The following C13orf42 variants were observed in gnomAD, a reference collection of about 807,000 sequenced individuals.
C13orf42 encodes uncharacterized protein C13orf42.
intron 1 of C13orf42, among the ~76,000 whole-genome samples, chr13:51,171,166 G>A (rs1017230466): frequency 6.6e-6 from 1 of 151,892 alleles, no homozygotes; most frequent in African/African-American, 2.4e-5. Flanking sequence ...CCCTTAGCCT[G>A]TGTTCTCAAA....
intron 1 of C13orf42, among the ~76,000 whole-genome samples, chr13:51,139,313 C>CA (rs112925981): frequency 1.1e-4 from 17 of 151,434 alleles, no homozygotes; most frequent in African/African-American, 2.9e-4. Flanking sequence ...GATTCTGTCT[C>CA]AAAAAAAATA....
chr13:51,143,410 G>GT (rs1953711359), intron 1 of C13orf42, among the ~76,000 whole-genome samples: 1 of 152,082 alleles, frequency 6.6e-6, no homozygotes, highest in Admixed American at 6.5e-5. Flanking sequence ...ATGGAGCCCT[G>GT]TGTCAGATTA....
At chr13:51,085,915 G>T (rs1953119497) in intron 2 of C13orf42, among the ~76,000 whole-genome samples, 1 of 152,132 alleles carries the variant, frequency 6.6e-6, no homozygotes, top group Admixed American at 6.5e-5. Context: ...CGGGCGTAGT[G>T]GCAGGTGCCT....
At chr13:51,133,165 T>C (rs188226298) in intron 1 of C13orf42, among the ~76,000 whole-genome samples, 49 of 152,352 alleles carry the variant, frequency 3.2e-4, no homozygotes, top group African/African-American at 1.1e-3. Flanking sequence ...AAACTTACTT[T>C]CACTTTACTA....
chr13:51,126,526 C>T (rs1953578650), intron 1 of C13orf42, among the ~76,000 whole-genome samples: 1 of 152,208 alleles, frequency 6.6e-6, no homozygotes, highest in South Asian at 2.1e-4. Context: ...TTACCTTCAG[C>T]TCCATTTGTT....
chr13:51,118,797 C>T (rs74085539), intron 1 of C13orf42, among the ~76,000 whole-genome samples: 13,486 of 152,186 alleles, frequency 0.089, 879 homozygotes, highest in South Asian at 0.26. Flanking sequence ...GTGCTAGTGA[C>T]ACAGCCAACC....
chr13:51,119,653 C>T (rs971082310), intron 1 of C13orf42, among the ~76,000 whole-genome samples: 1 of 152,092 alleles, frequency 6.6e-6, no homozygotes, highest in Non-Finnish European at 1.5e-5. Context: ...AAGACAGACA[C>T]AAAAAGACAA....
chr13:51,092,046 G>T (rs1392362245), intron 1 of C13orf42, among the ~76,000 whole-genome samples: 2 of 152,086 alleles, frequency 1.3e-5, no homozygotes, highest in Non-Finnish European at 2.9e-5. Context: ...TCACCCACAG[G>T]GGCGCACTTT....
intron 1 of C13orf42, among the ~76,000 whole-genome samples, chr13:51,108,182 C>G (rs1566127905): frequency 6.6e-6 from 1 of 152,200 alleles, no homozygotes; most frequent in Non-Finnish European, 1.5e-5. Flanking sequence ...GGGGCCCACC[C>G]TACTCCAGCA....
At chr13:51,139,933 T>C (rs1332062119) in intron 1 of C13orf42, among the ~76,000 whole-genome samples, 1 of 152,202 alleles carries the variant, frequency 6.6e-6, no homozygotes, top group Non-Finnish European at 1.5e-5. Flanking sequence ...ATTTCTTTGT[T>C]GTGTGAGATC....
At chr13:51,115,499 CAT>C (rs1015936028), upstream of C13orf42, among the ~76,000 whole-genome samples, 15 of 152,162 alleles carry the variant, frequency 9.9e-5, no homozygotes, top group African/African-American at 3.6e-4. Flanking sequence ...CTCTCAAGGT[CAT>C]GGTTCCTTTA....
chr13:51,106,580 C>T (rs1953357944), intron 1 of C13orf42, among the ~76,000 whole-genome samples: 1 of 152,180 alleles, frequency 6.6e-6, no homozygotes, highest in Non-Finnish European at 1.5e-5. Context: ...CAGTTTTCCC[C>T]TTTATAGAAT....
chr13:51,152,603 G>A (rs914721969), intron 1 of C13orf42, among the ~76,000 whole-genome samples: 1 of 152,158 alleles, frequency 6.6e-6, no homozygotes, highest in Non-Finnish European at 1.5e-5. Context: ...TCCTGCCTCA[G>A]CCTAACCCAT....
chr13:51,144,440 T>C (rs758829463), intron 1 of C13orf42, among the ~76,000 whole-genome samples: 1 of 152,354 alleles, frequency 6.6e-6, no homozygotes, highest in East Asian at 1.9e-4. Flanking sequence ...TTCTCCAGAA[T>C]TGGAAACTAC....
intron 1 of C13orf42, among the ~76,000 whole-genome samples, chr13:51,091,705 C>T (rs2137979945): frequency 6.6e-6 from 1 of 152,292 alleles, no homozygotes; most frequent in African/African-American, 2.4e-5. Flanking sequence ...CATCACTCTA[C>T]AGGGACCCGA....
At position 51,111,213 on chromosome 13, in the gene C13orf42, G is replaced by T; in HGVS notation, c.-4C>A. On this transcript the variant is annotated 5_prime_UTR_variant, in exon 1 of 4. Coordinates refer to ENST00000563710, the MANE Select transcript of C13orf42 (RefSeq NM_001351589.3). ...TGGAGTGGATCTTTCTGAACATAGT[G>T]CTCGATTTCTTTCTGTGGGTACCTT... 2.5e-6 allele frequency: 1 copy of T among 398,636 alleles called. No homozygotes were observed. Among genetic ancestry groups the T allele is most frequent in the Non-Finnish European group, 4.4e-6 (1 of 226,126 alleles). 24.7% of individuals were successfully genotyped at this position (398,636 alleles called of 1,614,324 possible).
intron 1 of C13orf42, among the ~76,000 whole-genome samples, chr13:51,101,860 G>T (rs1285472306): frequency 6.6e-6 from 1 of 152,188 alleles, no homozygotes; most frequent in African/African-American, 2.4e-5. Context: ...TGTCTCTGCT[G>T]TCTCAAAGGA....
At chr13:51,099,341 C>T (rs1401992210) in intron 1 of C13orf42, among the ~76,000 whole-genome samples, 1 of 152,074 alleles carries the variant, frequency 6.6e-6, no homozygotes, top group Non-Finnish European at 1.5e-5. Context: ...AATACATAGG[C>T]ACACATAGCC....
At chr13:51,097,305 T>C (rs1232986008) in intron 1 of C13orf42, among the ~76,000 whole-genome samples, 2 of 152,246 alleles carry the variant, frequency 1.3e-5, no homozygotes, top group Non-Finnish European at 2.9e-5. Flanking sequence ...CCCAGCTTGT[T>C]CTGGGTGTCT....
Sources: gnomAD v4.1 joint callset for allele counts (sites outside exome capture counted in the v4.1 genomes callset) on GRCh38, gnomAD v4.1.1 for gene constraint, MANE v1.5 for transcripts, NCBI Gene and HGNC (gene_info 2026-07-23, HGNC 2026-07-21) for gene names.